GNPTAB: variants seen among roughly 807,000 people sequenced by gnomAD.
The protein encoded by GNPTAB is N-acetylglucosamine-1-phosphate transferase subunits alpha and beta.
A neutral mutation model predicts 136.6 loss-of-function variants in GNPTAB; 92 were observed. The ratio of observed to expected loss-of-function variants is 0.67; its 90% CI spans 0.57 to 0.80. The LOEUF (loss-of-function observed/expected upper bound fraction) is 0.80, where lower values mean the gene tolerates loss of function less well. Among genes scored for constraint, GNPTAB ranks in the 30% least tolerant of loss-of-function variants. GNPTAB has a pLI of 0.00. For synonymous variants in GNPTAB, 512 were observed against 535.1 expected, an observed-to-expected ratio of 0.96 and a Z score of 0.60; for missense variants, 1,343 against 1,501.8, an observed-to-expected ratio of 0.89 and a Z score of 1.75.
intron 11 of GNPTAB, 159 bp downstream of exon 11, chr12:101,767,877 CA>C: frequency 1.2e-6 from 1 of 853,974 alleles, no homozygotes; most frequent in South Asian, 1.5e-5. Context: ...CTCAGCTTTG[CA>C]AAGCACTGGA....
chr12:101,807,865 C>A (rs2137171207), intron 1 of GNPTAB, among the ~76,000 whole-genome samples: 1 of 152,188 alleles, frequency 6.6e-6, no homozygotes, highest in Non-Finnish European at 1.5e-5. Context: ...CCAGCCTGTG[C>A]AACGGTAAGA....
At chr12:101,787,731 T>C (rs1008695693) in intron 4 of GNPTAB, among the ~76,000 whole-genome samples, 2 of 151,936 alleles carry the variant, frequency 1.3e-5, no homozygotes, top group South Asian at 4.1e-4. Flanking sequence ...CTGATCAACA[T>C]GGAGAAACCC....
At chr12:101,801,057 G>C (rs1869589756) in intron 1 of GNPTAB, among the ~76,000 whole-genome samples, 1 of 150,656 alleles carries the variant, frequency 6.6e-6, no homozygotes, top group South Asian at 2.1e-4. Context: ...AACATAGTGA[G>C]ACCTCATCTC....
At chr12:101,760,841 G>A (rs980312723) in intron 15 of GNPTAB, among the ~76,000 whole-genome samples, 3 of 149,646 alleles carry the variant, frequency 2.0e-5, no homozygotes, top group African/African-American at 4.9e-5. Context: ...GTGCAGTGGC[G>A]CAATCTTGGC....
chr12:101,800,604 CA>C (rs58129963), intron 1 of GNPTAB, among the ~76,000 whole-genome samples: 26,276 of 74,566 alleles, frequency 0.35, 2,808 homozygotes, highest in East Asian at 0.41. Flanking sequence ...ACTAAAAATA[CA>C]AAAAAAAAAA....
intron 16 of GNPTAB, among the ~76,000 whole-genome samples, chr12:101,758,056 T>C (rs1952928755): frequency 7.4e-6 from 1 of 135,586 alleles, no homozygotes; most frequent in East Asian, 2.1e-4. Context: ...TTTTTTTTTT[T>C]GAGACGGAGT....
intron 1 of GNPTAB, among the ~76,000 whole-genome samples, chr12:101,825,481 A>G (rs1228240760): frequency 6.6e-6 from 1 of 152,214 alleles, no homozygotes; most frequent in Non-Finnish European, 1.5e-5. Flanking sequence ...GATCAACCCA[A>G]TTAATCAATC....
chr12:101,791,052 C>G lies in GNPTAB; in HGVS notation c.204-995G>C, dbSNP rs79922383. ...TGCAATGAGAAGAGTGCCTGGCACA[C>G]AGGTGACCAATAAGTATATGCTGAC... On this transcript the variant is annotated intron_variant, in intron 2 of 20. Transcript: ENST00000299314. Among the ~76,000 whole-genome samples, 1,314 of 152,322 alleles carry G rather than the reference C, an allele frequency of 8.6e-3. 17 individuals carry two copies. The highest frequency in any genetic ancestry group is 0.03 in the African/African-American group (1,259 of 41,572).
chr12:101,760,653 T>C (rs1952978386), intron 15 of GNPTAB, among the ~76,000 whole-genome samples: 1 of 152,158 alleles, frequency 6.6e-6, no homozygotes, highest in Admixed American at 6.5e-5. Flanking sequence ...CCAAATTTGG[T>C]TATAATTCTA....
rs750232085 is a variant in GNPTAB at position 101,764,219 on chromosome 12, A to G, written c.2698T>C (p.Phe900Leu). Reference protein sequence around the residue: ...GFLPWEKKKYFQDLLDEEESL... With the variant: ...GFLPWEKKKYLQDLLDEEESL... Reference sequence around the variant, plus strand: ...TTACTTACGTCGAGAAGATCTTGGAAATACTTTTTTTTCTCCCATGGCAAA... The same window carrying G: ...TTACTTACGTCGAGAAGATCTTGGAGATACTTTTTTTTCTCCCATGGCAAA... Residue 900 changes from phenylalanine to leucine, a missense_variant, in exon 13 of 21, where the codon TTC (phenylalanine) becomes CTC (leucine). Phe to Leu is a conservative substitution (Grantham distance 22). Coordinates refer to ENST00000299314, the MANE Select transcript of GNPTAB (RefSeq NM_024312.5). 1.9e-6 allele frequency: 3 copies of G among 1,614,172 alleles called. No individual in the cohort carries two copies. The highest frequency in any genetic ancestry group is 2.2e-5 in the South Asian group (2 of 91,080).
rs766210976 is a variant in GNPTAB at position 101,749,149 on chromosome 12, T to C, written c.3645A>G (p.Val1215=). 9.9e-6 allele frequency: 16 copies of C among 1,612,894 alleles called. No homozygotes were observed. The highest frequency in any genetic ancestry group is 1.4e-5 in the Non-Finnish European group (16 of 1,179,114). Residue 1215 remains valine (V), a synonymous_variant, in exon 20 of 21, where the codon GTA becomes GTG. Transcript: ENST00000299314. ...TAGTAAACATAATCAATGTTGCTAG[T>C]ACACAATGGGTCCAAAACTTCAATT... ...RDKLKFWTHC[V]LATLIMFTIF...
intron 5 of GNPTAB, among the ~76,000 whole-genome samples, chr12:101,781,204 G>A (rs1481046483): frequency 6.6e-6 from 1 of 152,184 alleles, no homozygotes; most frequent in African/African-American, 2.4e-5. Context: ...GAGAGTTAGT[G>A]ATGGGGACAA....
chr12:101,798,378 G>T (rs1869422619), intron 1 of GNPTAB, among the ~76,000 whole-genome samples: 1 of 152,044 alleles, frequency 6.6e-6, no homozygotes, highest in South Asian at 2.1e-4. Context: ...CCTAAGAAGT[G>T]GCCCTGCTAC....
intron 13 of GNPTAB, among the ~76,000 whole-genome samples, chr12:101,762,807 G>A (rs1953019957): frequency 6.6e-6 from 1 of 151,366 alleles, no homozygotes; most frequent in African/African-American, 2.4e-5. Context: ...TTATCTCCGG[G>A]AAGGAGACTG....
intron 4 of GNPTAB, among the ~76,000 whole-genome samples, chr12:101,786,615 A>G (rs1423799685): frequency 2.6e-5 from 4 of 152,214 alleles, no homozygotes; most frequent in Admixed American, 1.3e-4. Flanking sequence ...CAAGTTACCA[A>G]TTCCAGTTAG....
In GNPTAB at chr12:101,780,134, T is replaced by G. The variant is rs746284293; in HGVS notation, c.771+18A>C. 36 of 1,610,724 alleles carry G rather than the reference T, an allele frequency of 2.2e-5. No individual in the cohort carries two copies. Among genetic ancestry groups the G allele is most frequent in the Non-Finnish European group, 3.1e-5 (36 of 1,176,890 alleles). ...TGAGAATGTGCCAGGCTAATTGCTC[T>G]ATTTTCTATGTTCTTACCAGTTTGA... On this transcript the variant is annotated intron_variant, in intron 7 of 20. Transcript: ENST00000299314.
At chr12:101,782,420 C>T (rs908558450) in intron 5 of GNPTAB, among the ~76,000 whole-genome samples, 2 of 151,924 alleles carry the variant, frequency 1.3e-5, no homozygotes, top group African/African-American at 2.4e-5. Flanking sequence ...AAGTAAAGTA[C>T]GTCGAATAAA....
intron 6 of GNPTAB, 124 bp downstream of exon 6, chr12:101,780,427 CATTAAT>C: frequency 1.0e-5 from 11 of 1,089,088 alleles, no homozygotes; most frequent in Non-Finnish European, 1.5e-5. Context: ...AATCAACAGT[CATTAAT>C]ATTAGTAAGC....
intron 7 of GNPTAB, among the ~76,000 whole-genome samples, chr12:101,772,028 G>C (rs1012355227): frequency 2.0e-5 from 3 of 152,226 alleles, no homozygotes; most frequent in Non-Finnish European, 4.4e-5. Flanking sequence ...GCTTCCATGG[G>C]AAAACTACCT....
Sources: gnomAD v4.1 joint callset for allele counts (sites outside exome capture counted in the v4.1 genomes callset) on GRCh38, gnomAD v4.1.1 for gene constraint, MANE v1.5 for transcripts, NCBI Gene and HGNC (gene_info 2026-07-23, HGNC 2026-07-21) for gene names.